Variants in ERAP1 observed in about 807,000 individuals in gnomAD.
ERAP1 encodes the protein adipocyte-derived leucine aminopeptidase.
Under a neutral mutation model 103.7 loss-of-function variants are expected in ERAP1, and 86 were observed. That is an observed-to-expected ratio of 0.83 (90% confidence interval 0.70 to 0.99). The LOEUF (loss-of-function observed/expected upper bound fraction) is 0.99, where lower values mean the gene tolerates loss of function less well. ERAP1 is among the 50% of genes least tolerant of loss of function. The probability of loss-of-function intolerance (pLI) is 0.00; values close to 1 mark genes in which losing one functional copy is unlikely to be tolerated. For missense variants in ERAP1, 1,009 were observed against 1,128.4 expected (o/e 0.89, Z 1.52); for synonymous variants, 398 against 402.4 (o/e 0.99, Z 0.13).
At chr5:96,887,634 A>G in the ERAP1 span, among the ~76,000 whole-genome samples, 4 of 152,224 alleles carry the variant, frequency 2.6e-5, no homozygotes, top group Middle Eastern at 6.8e-3. Context: ...TTTTCCCTCA[A>G]TGAAAGAAGA....
rs1378843617 is a variant in ERAP1, at chr5:96,776,079, G to A, written c.*317C>T. ...AACAGTTTATGAATGATAAACATGG[G>A]GTACAGGGTTTTGGACACGGGTGCT... On this transcript the variant is annotated 3_prime_UTR_variant, in exon 19 of 19. Transcript: ENST00000443439. The A allele has an allele frequency of 1.6e-6, 2 of 1,269,840 alleles. No homozygotes were observed. Among genetic ancestry groups the A allele is most frequent in the East Asian group, 4.8e-5 (1 of 21,030 alleles). The allele number at this position is 1,269,840 out of a possible 1,614,324, so 78.7% of individuals were successfully genotyped here.
At chr5:96,771,531 ATCT>A, downstream of ERAP1, 2 of 692,488 alleles carry the variant, frequency 2.9e-6, no homozygotes, top group Non-Finnish European at 5.0e-6. Flanking sequence ...TGAAAGGACC[ATCT>A]TATTTTTCCC....
chr5:96,892,303 A>T, the ERAP1 span: 1 of 1,613,796 alleles, frequency 6.2e-7, no homozygotes, highest in Non-Finnish European at 8.5e-7. Context: ...TCTTAGATTT[A>T]ATTGCTATTC....
At chr5:96,872,202 G>T in the ERAP1 span, among the ~76,000 whole-genome samples, 25 of 152,078 alleles carry the variant, frequency 1.6e-4, no homozygotes, top group African/African-American at 6.0e-4. Flanking sequence ...TGGCTTCAGA[G>T]TTACAAGCAT....
chr5:96,762,358 C>T (rs745363290), exon 20 of ERAP1: 20 of 1,596,784 alleles, frequency 1.3e-5, no homozygotes, highest in African/African-American at 6.8e-5. Context: ...TGGAGCCCCA[C>T]CCCGTGATAC....
chr5:96,778,603 C>T (rs1354123780), intron 18 of ERAP1, among the ~76,000 whole-genome samples: 2 of 152,100 alleles, frequency 1.3e-5, no homozygotes, highest in African/African-American at 4.8e-5. Context: ...GTCATGGACA[C>T]ATGGGAAGGA....
At chr5:96,906,233 CTCTTCCTCTTCCTCTTCTACT>C in the ERAP1 span, among the ~76,000 whole-genome samples, 100 of 151,788 alleles carry the variant, frequency 6.6e-4, no homozygotes, top group Non-Finnish European at 1.1e-3. Flanking sequence ...TCTCCTCCTC[CTCTTCCTCTTCCTCTTCTACT>C]TCTTCCTCTT....
chr5:96,858,822 A>G, the ERAP1 span, among the ~76,000 whole-genome samples: 1 of 152,180 alleles, frequency 6.6e-6, no homozygotes, highest in East Asian at 1.9e-4. Context: ...GAAGCCCAGC[A>G]AAGGAATAAA....
the ERAP1 span, among the ~76,000 whole-genome samples, chr5:96,933,060 T>C: frequency 6.6e-6 from 1 of 152,188 alleles, no homozygotes; most frequent in Non-Finnish European, 1.5e-5. Context: ...GAAATTGTGA[T>C]ATCATATTCC....
the ERAP1 span, chr5:96,873,323 A>G: frequency 2.2e-6 from 1 of 456,168 alleles, no homozygotes; most frequent in African/African-American, 2.0e-5. Context: ...CAACACTGAT[A>G]GGTGCTAGAA....
chr5:96,867,866 G>A, the ERAP1 span, among the ~76,000 whole-genome samples: 1 of 152,180 alleles, frequency 6.6e-6, no homozygotes, highest in Non-Finnish European at 1.5e-5. Flanking sequence ...CTGAGGTCAG[G>A]AGTTCAAGAC....
the ERAP1 span, chr5:96,879,647 T>C: frequency 3.2e-6 from 5 of 1,565,116 alleles, no homozygotes; most frequent in South Asian, 2.3e-5. Context: ...ACTACGAGAT[T>C]AGCCTGGATA....
the ERAP1 span, among the ~76,000 whole-genome samples, chr5:96,895,558 G>A: frequency 6.6e-6 from 1 of 152,116 alleles, no homozygotes; most frequent in African/African-American, 2.4e-5. Flanking sequence ...ACATAAATCT[G>A]TCACCCCAAA....
chr5:96,792,975 C>T (rs1776903051), intron 7 of ERAP1, among the ~76,000 whole-genome samples: 1 of 152,058 alleles, frequency 6.6e-6, no homozygotes, highest in South Asian at 2.1e-4. Context: ...ATCCAGAAGC[C>T]TAGGTTGTTA....
chr5:96,804,357 G>A (rs1778318816), intron 1 of ERAP1: 1 of 303,156 alleles, frequency 3.3e-6, no homozygotes, highest in African/African-American at 2.2e-5. Context: ...AACCATATCA[G>A]AGGAACATCT....
the ERAP1 span, chr5:96,902,385 A>G: frequency 1.3e-5 from 17 of 1,348,580 alleles, no homozygotes; most frequent in Non-Finnish European, 1.8e-5. Context: ...CAGGTATTTC[A>G]ATGTGGAAAT....
the ERAP1 span, among the ~76,000 whole-genome samples, chr5:96,825,000 G>GCCA: frequency 6.6e-6 from 1 of 152,020 alleles, no homozygotes; most frequent in African/African-American, 2.4e-5. Context: ...CGATCATCAC[G>GCCA]CCACTGCACT....
At chr5:96,887,787 T>C in the ERAP1 span, among the ~76,000 whole-genome samples, 1 of 152,216 alleles carries the variant, frequency 6.6e-6, no homozygotes, top group Admixed American at 6.5e-5. Flanking sequence ...GACCAAATTA[T>C]AGACTTAAAA....
At chr5:96,806,787 G>C (rs1778653911) in intron 1 of ERAP1, among the ~76,000 whole-genome samples, 1 of 148,360 alleles carries the variant, frequency 6.7e-6, no homozygotes, top group African/African-American at 2.5e-5. Flanking sequence ...GGTTCTTCCA[G>C]AATTTCCTGA....
Sources: allele counts gnomAD v4.1 joint callset (sites outside exome capture counted in the v4.1 genomes callset), GRCh38; gene constraint gnomAD v4.1.1; transcripts MANE v1.5; gene names NCBI Gene and HGNC (gene_info 2026-07-23, HGNC 2026-07-21).